KIDINS220: variants seen among roughly 807,000 people sequenced by gnomAD.
The protein encoded by KIDINS220 is kinase D-interacting substrate of 220 kDa.
In KIDINS220, 63 loss-of-function variants were observed where a neutral mutation model predicts 157.6. The ratio of observed to expected loss-of-function variants is 0.40; its 90% CI spans 0.33 to 0.49. The LOEUF (loss-of-function observed/expected upper bound fraction) is 0.49. KIDINS220 is among the 20% of genes least tolerant of loss of function. The pLI is 0.66. For missense variants in KIDINS220, 1,772 were observed against 2,171.2 expected, an observed-to-expected ratio of 0.82 and a Z score of 3.65; for synonymous variants, 732 against 783.6, an observed-to-expected ratio of 0.93 and a Z score of 1.10.
At chr2:8,726,987 CTATT>C, downstream of KIDINS220, 5 of 1,220,318 alleles carry the variant, frequency 4.1e-6, no homozygotes, top group Non-Finnish European at 5.4e-6. Context: ...TGTAAATTCT[CTATT>C]TAATCAGTCT....
At chr2:8,804,322 A>C (rs1312140081) in intron 7 of KIDINS220, among the ~76,000 whole-genome samples, 1 of 152,158 alleles carries the variant, frequency 6.6e-6, no homozygotes, top group Admixed American at 6.5e-5. Context: ...TTTATGATCC[A>C]CTCATGTAAC....
At chr2:8,737,410 AC>A (rs1665036756) in intron 26 of KIDINS220, 1 of 159,184 alleles carries the variant, frequency 6.3e-6, no homozygotes, top group South Asian at 1.8e-4. Flanking sequence ...AAATAAACCT[AC>A]AAAATAATTT....
At chr2:8,769,278 T>A (rs771061673) in intron 22 of KIDINS220, among the ~76,000 whole-genome samples, 1 of 152,222 alleles carries the variant, frequency 6.6e-6, no homozygotes, top group African/African-American at 2.4e-5. Flanking sequence ...CTAGTTCTCC[T>A]GTGCCCAAGT....
rs1666776880 is a variant in KIDINS220 at position 8,747,694 on chromosome 2, C to G, written c.3528+193G>C. The G allele has an allele frequency of 1.5e-5, 6 of 409,136 alleles. No individual in the cohort carries two copies. In the Admixed American group the frequency reaches 2.2e-4, roughly 15 times the overall value. 25.3% of individuals were successfully genotyped at this position (409,136 alleles called of 1,614,324 possible). A position where few individuals can be genotyped will look rare whatever the true frequency, so the allele number is the denominator to read the frequency against. On this transcript the variant is annotated intron_variant, in intron 25 of 29. Transcript: ENST00000256707. Reference sequence around the variant, plus strand: ...AGTCAACATTTCTTCGCTGAGACTGCTAGTCATTTTCCTTCCATAGATATT... The same window carrying G: ...AGTCAACATTTCTTCGCTGAGACTGGTAGTCATTTTCCTTCCATAGATATT...
At chr2:8,780,815 A>AT (rs1419504750) in intron 17 of KIDINS220, among the ~76,000 whole-genome samples, 1 of 152,022 alleles carries the variant, frequency 6.6e-6, no homozygotes, top group African/African-American at 2.4e-5. Context: ...AGAAAATGGA[A>AT]TCATAAAAAA....
chr2:8,785,238 G>A (rs1166742726), intron 17 of KIDINS220, among the ~76,000 whole-genome samples: 2 of 152,228 alleles, frequency 1.3e-5, no homozygotes, highest in Admixed American at 1.3e-4. Context: ...GGTAGCCAGG[G>A]GTTAGGGAGG....
chr2:8,738,362 C>T (rs1253430300), intron 26 of KIDINS220, among the ~76,000 whole-genome samples: 2 of 152,148 alleles, frequency 1.3e-5, no homozygotes, highest in Non-Finnish European at 1.5e-5. Flanking sequence ...TAAGCAGAAA[C>T]GGGATATTTG....
chr2:8,826,960 A>G (rs770452923), intron 2 of KIDINS220, 26 bp downstream of exon 2: 3 of 1,286,964 alleles, frequency 2.3e-6, no homozygotes, highest in Non-Finnish European at 3.4e-6. Flanking sequence ...TTGTGAAAGA[A>G]TGTAATTTTG....
Position 8,733,541 on chromosome 2 carries a change from G to T in KIDINS220, c.3956C>A (p.Ser1319Tyr). 6.2e-7 allele frequency: 1 copy of T among 1,614,132 alleles called. No individual in the cohort carries two copies. The highest frequency in any genetic ancestry group is 8.5e-7 in the Non-Finnish European group (1 of 1,180,022). ...GTTGAGTGTGTAGGGCGTCTGGCTG[G>T]AGAGCTCGGTGTGAGGCAGCTCGTT... ...SHNELPHTEL[S>Y]SQTPYTLNFS... The change falls in exon 29 of 30, where the codon TCC becomes TAC. Residue 1319 changes from serine to tyrosine, a missense_variant. Physicochemically the swap from Ser to Tyr is moderately radical, Grantham distance 144. Transcript: ENST00000256707.
At chr2:8,837,076 T>A (rs968778193) in intron 1 of KIDINS220, among the ~76,000 whole-genome samples, 4 of 151,620 alleles carry the variant, frequency 2.6e-5, no homozygotes, top group Non-Finnish European at 5.9e-5. Flanking sequence ...CGTGGAAGCC[T>A]AGGAGGAGGA....
At chr2:8,832,292 C>T (rs1679753615) in intron 1 of KIDINS220, among the ~76,000 whole-genome samples, 1 of 152,162 alleles carries the variant, frequency 6.6e-6, no homozygotes, top group African/African-American at 2.4e-5. Flanking sequence ...AGGGCACTGA[C>T]AGTGTTTAAT....
At chr2:8,778,580 T>A in intron 20 of KIDINS220, 59 bp downstream of exon 20, 1 of 1,067,226 alleles carries the variant, frequency 9.4e-7, no homozygotes, top group East Asian at 2.4e-5. Flanking sequence ...GCATCATCTT[T>A]ATTTGTATTA....
chr2:8,820,965 A>G (rs965922926), intron 2 of KIDINS220, among the ~76,000 whole-genome samples: 2 of 152,108 alleles, frequency 1.3e-5, no homozygotes, highest in Admixed American at 6.5e-5. Flanking sequence ...AAAGCAACAA[A>G]CTCTAAATCC....
chr2:8,768,422 G>A (rs548956827), intron 22 of KIDINS220, among the ~76,000 whole-genome samples: 1 of 152,174 alleles, frequency 6.6e-6, no homozygotes, highest in Non-Finnish European at 1.5e-5. Flanking sequence ...GCTTTCCAGT[G>A]TTAGTATCAA....
At chr2:8,732,880 C>T (rs1317249073) in intron 29 of KIDINS220, among the ~76,000 whole-genome samples, 1 of 152,174 alleles carries the variant, frequency 6.6e-6, no homozygotes, top group African/African-American at 2.4e-5. Flanking sequence ...TCCCGCTACT[C>T]CTCCTGCATC....
intron 6 of KIDINS220, among the ~76,000 whole-genome samples, chr2:8,811,990 A>T (rs543490850): frequency 6.6e-6 from 1 of 152,234 alleles, no homozygotes; most frequent in African/African-American, 2.4e-5. Flanking sequence ...ATCTTCACCC[A>T]TCATACCAGA....
intron 6 of KIDINS220, among the ~76,000 whole-genome samples, chr2:8,810,867 A>G (rs1676202076): frequency 6.6e-6 from 1 of 152,202 alleles, no homozygotes. Context: ...GAATTAACCA[A>G]CAGTACAAAT....
At position 8,751,509 on chromosome 2, in the gene KIDINS220, T is replaced by A; in HGVS notation, c.3147A>T (p.Pro1049=). The A allele has an allele frequency of 6.2e-7, 1 of 1,613,510 alleles. No individual in the cohort carries two copies. The highest frequency in any genetic ancestry group is 1.1e-5 in the South Asian group (1 of 90,816). The change falls in exon 23 of 30, where the codon CCA becomes CCT. Residue 1049 remains proline, a synonymous_variant. Coordinates refer to ENST00000256707, the MANE Select transcript of KIDINS220 (RefSeq NM_020738.4). ...GTTTGGGATCTAGGTTTACAGTGCA[T>A]GGCAAAAAGACTTTTACATCTCGAG... ...LVARDVKVFL[P]CTVNLDPKLR...
rs549788998 is a variant in KIDINS220 at position 8,800,898 on chromosome 2, G to A, written c.802-400C>T. Among the ~76,000 whole-genome samples, 21 of 152,216 alleles carry A rather than the reference G, an allele frequency of 1.4e-4. No individual in the cohort carries two copies. The South Asian group carries it at 3.5e-3, about 26-fold the overall frequency. ...ATATCTTGGAATAATGCTATATGAC[G>A]AAAGCCATGAATTCTAAAAAAACGG... On this transcript the variant is annotated intron_variant, in intron 8 of 29. Coordinates refer to ENST00000256707, the MANE Select transcript of KIDINS220 (RefSeq NM_020738.4).
Sources: allele counts gnomAD v4.1 joint callset (sites outside exome capture counted in the v4.1 genomes callset), GRCh38; gene constraint gnomAD v4.1.1; transcripts MANE v1.5; gene names NCBI Gene and HGNC (gene_info 2026-07-23, HGNC 2026-07-21).